GABARAPL1: variants seen among roughly 807,000 people sequenced by gnomAD.
GABARAPL1 encodes gamma-aminobutyric acid receptor-associated protein-like 1.
A neutral mutation model predicts 14.5 loss-of-function variants in GABARAPL1; 4 were observed. The observed-to-expected ratio is 0.28, with a 90% CI of 0.14 to 0.63. GABARAPL1 has a LOEUF of 0.63. Ranked by LOEUF, GABARAPL1 falls within the 30% of genes least tolerant of loss-of-function variation. The pLI is 0.84. For synonymous variants in GABARAPL1, 47 were observed against 50.6 expected (o/e 0.93, Z 0.30); for missense variants, 82 against 139.2 (o/e 0.59, Z 2.07).
intron 2 of GABARAPL1, among the ~76,000 whole-genome samples, chr12:10,218,736 T>A (rs553708093): frequency 1.0e-3 from 151 of 151,676 alleles, no homozygotes; most frequent in African/African-American, 3.5e-3. Context: ...GAGATGGAGT[T>A]TCACTCTTGT....
chr12:10,214,809 TCA>T (rs1949078913), intron 1 of GABARAPL1: 1 of 152,234 alleles, frequency 6.6e-6, no homozygotes, highest in South Asian at 2.1e-4. Context: ...ATATTGTTTC[TCA>T]GTTTCTAATA....
chr12:10,220,395 GTTTTCT>G, intron 2 of GABARAPL1, 39 bp from the exon 3 acceptor site: 2 of 1,610,522 alleles, frequency 1.2e-6, no homozygotes, highest in Non-Finnish European at 1.7e-6. Context: ...CTAATTCCTT[GTTTTCT>G]TACTTTCTTT....
intron 1 of GABARAPL1, among the ~76,000 whole-genome samples, chr12:10,217,078 G>A (rs1949094909): frequency 6.6e-6 from 1 of 151,992 alleles, no homozygotes; most frequent in Non-Finnish European, 1.5e-5. Flanking sequence ...TTCTGTTTGG[G>A]AAGTTTTAGT....
In GABARAPL1 at chr12:10,218,069, G is replaced by T; in HGVS notation, c.97G>T (p.Val33Leu). ...KKYPDRVPVI[V>L]EKAPKARVPD... is the part of the protein sequence containing the mutation. Reference sequence around the variant, plus strand: ...TCTCCTCCTCTTCTTCCAGGTGATTGTAGAGAAGGCTCCAAAAGCCAGGGT... The same window carrying T: ...TCTCCTCCTCTTCTTCCAGGTGATTTTAGAGAAGGCTCCAAAAGCCAGGGT... Residue 33 changes from valine to leucine, a missense_variant, in exon 2 of 4, where the codon GTA (valine) becomes TTA (leucine). Physicochemically the swap from Val to Leu is conservative, Grantham distance 32. Coordinates refer to ENST00000266458, the MANE Select transcript of GABARAPL1 (RefSeq NM_031412.4). 1 of 1,594,708 alleles carries T rather than the reference G, an allele frequency of 6.3e-7. No individual in the cohort carries two copies. The highest frequency in any genetic ancestry group is 1.1e-5 in the South Asian group (1 of 90,670).
chr12:10,217,582 A>G (rs1046695005), intron 1 of GABARAPL1, among the ~76,000 whole-genome samples: 1 of 152,058 alleles, frequency 6.6e-6, no homozygotes, highest in Non-Finnish European at 1.5e-5. Context: ...AAATACAAAT[A>G]CTTAGCCAGG....
intron 3 of GABARAPL1, 190 bp downstream of exon 3, chr12:10,220,748 C>G: frequency 6.6e-7 from 1 of 1,512,960 alleles, no homozygotes; most frequent in South Asian, 1.2e-5. Context: ...GGATTAGCCA[C>G]TCTACTAGAT....
chr12:10,220,431 A>T lies in GABARAPL1; in HGVS notation c.170-9A>T, dbSNP rs369331379. On this transcript the variant is annotated splice_polypyrimidine_tract_variant and intron_variant, in intron 2 of 3. Transcript: ENST00000266458. ...TTCTTTTCTGCCCTTTTCTTCTTCC[A>T]TCATCCAGTTGGCCAGTTCTACTTC... The T allele has an allele frequency of 8.7e-5, 141 of 1,611,836 alleles. 1 individual carries two copies. Among genetic ancestry groups the T allele is most frequent in the South Asian group, 6.3e-4 (57 of 90,978 alleles).
intron 2 of GABARAPL1, among the ~76,000 whole-genome samples, chr12:10,220,033 A>G (rs893407257): frequency 3.9e-5 from 6 of 152,160 alleles, no homozygotes; most frequent in Admixed American, 2.0e-4. Flanking sequence ...AGTCCAGTGG[A>G]CCCCTTTCCA....
chr12:10,220,793 T>G (rs2137591813), intron 3 of GABARAPL1: 1 of 1,457,712 alleles, frequency 6.9e-7, no homozygotes, highest in Middle Eastern at 2.4e-4. Context: ...ACTATAGTCT[T>G]GTCTGACTAT....
intron 3 of GABARAPL1, 92 bp from the exon 4 acceptor site, chr12:10,221,695 C>T: frequency 1.4e-6 from 2 of 1,412,290 alleles, no homozygotes; most frequent in South Asian, 2.4e-5. Context: ...TGATACCTTC[C>T]ATACCTGCTT....
chr12:10,219,819 A>G (rs909812285), intron 2 of GABARAPL1, among the ~76,000 whole-genome samples: 1 of 152,080 alleles, frequency 6.6e-6, no homozygotes, highest in Non-Finnish European at 1.5e-5. Context: ...AAAAAAATAC[A>G]TATATTCAGT....
chr12:10,213,453 G>C, intron 1 of GABARAPL1: 2 of 560,358 alleles, frequency 3.6e-6, no homozygotes, highest in East Asian at 7.0e-5. Context: ...GGCGTTTTGG[G>C]GGCCGAGCCG....
chr12:10,213,446 GT>G, intron 1 of GABARAPL1: 1 of 584,772 alleles, frequency 1.7e-6, no homozygotes, highest in Non-Finnish European at 3.2e-6. Flanking sequence ...GGCTGACGGC[GT>G]TTTGGGGGCC....
At chr12:10,213,246 G>A in intron 1 of GABARAPL1, 27 bp downstream of exon 1, 3 of 1,417,990 alleles carry the variant, frequency 2.1e-6, no homozygotes, top group South Asian at 1.2e-5. Flanking sequence ...GGAGGGGATG[G>A]GAGGGGAAGG....
Position 10,222,722 on chromosome 12 carries a change from G to A in GABARAPL1, c.*870G>A, listed in dbSNP as rs1592007163. 6.6e-6 allele frequency: 1 copy of A among 152,100 alleles called. No homozygotes were observed. The highest frequency in any genetic ancestry group is 2.4e-5 in the African/African-American group (1 of 41,412). 9.4% of individuals were successfully genotyped at this position (152,100 alleles called of 1,614,324 possible). ...TCAGGACAGAGGTGTCTTATGTAGG[G>A]AGGGGGCAAGTATGAAGTAAGGTAA... On this transcript the variant is annotated 3_prime_UTR_variant, in exon 4 of 4. Coordinates refer to ENST00000266458, the MANE Select transcript of GABARAPL1 (RefSeq NM_031412.4).
chr12:10,221,111 G>A (rs900610338), intron 3 of GABARAPL1: 1 of 985,074 alleles, frequency 1.0e-6, no homozygotes, highest in African/African-American at 1.7e-5. Flanking sequence ...CTAAACAAGG[G>A]GAAACTTTTC....
chr12:10,217,176 C>T (rs1190432779), intron 1 of GABARAPL1, among the ~76,000 whole-genome samples: 1 of 151,944 alleles, frequency 6.6e-6, no homozygotes, highest in Non-Finnish European at 1.5e-5. Flanking sequence ...ATTGAAAATC[C>T]CTTAAAGTCC....
intron 1 of GABARAPL1, among the ~76,000 whole-genome samples, chr12:10,216,767 C>T (rs1232445433): frequency 2.0e-5 from 3 of 151,792 alleles, no homozygotes; most frequent in Non-Finnish European, 2.9e-5. Flanking sequence ...CTCGAACTCC[C>T]GACCTCAGAT....
In GABARAPL1 at chr12:10,213,110, C is replaced by T; in HGVS notation, c.-20C>T. 2 of 1,521,216 alleles carry T rather than the reference C, an allele frequency of 1.3e-6. No individual in the cohort carries two copies. The highest frequency in any genetic ancestry group is 1.8e-6 in the Non-Finnish European group (2 of 1,111,136). The allele number at this position is 1,521,216 out of a possible 1,614,324, so 94.2% of individuals were successfully genotyped here. A position where few individuals can be genotyped will look rare whatever the true frequency, so the allele number is the denominator to read the frequency against. On this transcript the variant is annotated 5_prime_UTR_variant, in exon 1 of 4. Coordinates refer to ENST00000266458, the MANE Select transcript of GABARAPL1 (RefSeq NM_031412.4). ...GGAGGCAGGCCCCGCGCGGGGATCT[C>T]GGAAGCCCTGCGGTGCATCATGAAG...
Sources: allele counts gnomAD v4.1 joint callset (sites outside exome capture counted in the v4.1 genomes callset), GRCh38; gene constraint gnomAD v4.1.1; transcripts MANE v1.5; gene names NCBI Gene and HGNC (gene_info 2026-07-23, HGNC 2026-07-21).